The following TRMT9B variants were observed in gnomAD, a reference collection of about 807,000 sequenced individuals.
The protein encoded by TRMT9B is probable tRNA methyltransferase 9B.
A neutral mutation model predicts 11.5 loss-of-function variants in TRMT9B; 16 were observed. The ratio of observed to expected loss-of-function variants is 1.39; its 90% CI spans 0.94 to 2.11. The LOEUF (loss-of-function observed/expected upper bound fraction) is 2.11, where lower values mean the gene tolerates loss of function less well. TRMT9B is among the 30% of genes most tolerant of loss of function. The probability of loss-of-function intolerance (pLI) is 0.00; values close to 1 mark genes in which losing one functional copy is unlikely to be tolerated. For synonymous variants in TRMT9B, 274 were observed against 192.4 expected, an observed-to-expected ratio of 1.42 and a Z score of -3.51; for missense variants, 941 against 553.8, an observed-to-expected ratio of 1.70 and a Z score of -7.02.
intron 1 of TRMT9B, among the ~76,000 whole-genome samples, chr8:12,980,371 G>C (rs929509911): frequency 4.0e-5 from 6 of 151,642 alleles, no homozygotes; most frequent in African/African-American, 1.5e-4. Flanking sequence ...GGATGATCTC[G>C]CCTTGAAATC....
rs1187703179 is a variant in TRMT9B at position 13,023,454 on chromosome 8, G to A, written c.*1410G>A. On this transcript the variant is annotated 3_prime_UTR_variant, in exon 5 of 5. Transcript: ENST00000524591. Reference sequence around the variant, plus strand: ...AATCAACTTCTACTGATTACAGGTTGAATTTCTGTCACTTTGTAGAGAAAC... The same window carrying A: ...AATCAACTTCTACTGATTACAGGTTAAATTTCTGTCACTTTGTAGAGAAAC... 6.0e-6 allele frequency: 1 copy of A among 167,104 alleles called. No homozygotes were observed. The highest frequency in any genetic ancestry group is 2.4e-5 in the African/African-American group (1 of 41,456). 10.4% of individuals were successfully genotyped at this position (167,104 alleles called of 1,614,324 possible).
At position 13,021,891 on chromosome 8, in the gene TRMT9B, C is replaced by G; in HGVS notation, c.1212C>G (p.Asp404Glu). The G allele has an allele frequency of 6.2e-7, 1 of 1,613,808 alleles. No homozygotes were observed. The highest frequency in any genetic ancestry group is 2.2e-5 in the East Asian group (1 of 44,864). Residue 404 changes from aspartate (D) to glutamate (E), a missense_variant, in exon 5 of 5, where the codon GAC becomes GAG. Asp to Glu is a conservative substitution (Grantham distance 45). Transcript: ENST00000524591. Reference protein sequence around the residue: ...SVEDPQTDVLDSTAFMRYYHV... With the variant: ...SVEDPQTDVLESTAFMRYYHV... ...AAGATCCACAGACTGATGTTTTGGA[C>G]TCCACAGCCTTTATGCGCTACTACC...
At chr8:13,001,329 G>C (rs541672667) in intron 2 of TRMT9B, among the ~76,000 whole-genome samples, 3 of 152,282 alleles carry the variant, frequency 2.0e-5, no homozygotes, top group Non-Finnish European at 4.4e-5. Context: ...GTGAGGCGGG[G>C]ATCCCTGGAA....
intron 1 of TRMT9B, among the ~76,000 whole-genome samples, chr8:12,967,230 G>T (rs553235277): frequency 1.6e-4 from 25 of 152,328 alleles, no homozygotes; most frequent in African/African-American, 6.0e-4. Context: ...TCTTTGATCA[G>T]TTAAGTTAAA....
At chr8:13,012,997 C>T in intron 4 of TRMT9B, 140 bp downstream of exon 4, 1 of 1,111,296 alleles carries the variant, frequency 9.0e-7, no homozygotes, top group Non-Finnish European at 1.2e-6. Context: ...ATTGTTTCAA[C>T]TACTTGACTG....
Position 13,029,303 on chromosome 8 carries a change from G to A in TRMT9B, c.*7259G>A, listed in dbSNP as rs183441423. 1.2e-5 allele frequency: 2 copies of A among 166,962 alleles called. No homozygotes were observed. The highest frequency in any genetic ancestry group is 2.9e-5 in the Non-Finnish European group (2 of 68,080). 10.3% of individuals were successfully genotyped at this position (166,962 alleles called of 1,614,324 possible). On this transcript the variant is annotated 3_prime_UTR_variant, in exon 5 of 5. Transcript: ENST00000524591. ...AAGTGCAAAAACTTTTTTCTACAATGTACAGTTATTTTGACTTTTCCCAGG... is the reference window on the plus strand; with the variant it reads ...AAGTGCAAAAACTTTTTTCTACAATATACAGTTATTTTGACTTTTCCCAGG...
chr8:12,955,843 G>A (rs906235017), intron 1 of TRMT9B, among the ~76,000 whole-genome samples: 2 of 152,110 alleles, frequency 1.3e-5, no homozygotes, highest in Admixed American at 6.5e-5. Context: ...GTTGGCTCCC[G>A]GGCGGCAAGC....
chr8:12,999,048 C>T (rs556051348), intron 2 of TRMT9B, among the ~76,000 whole-genome samples: 1 of 151,940 alleles, frequency 6.6e-6, no homozygotes, highest in South Asian at 2.1e-4. Flanking sequence ...CGCCTGTAAT[C>T]CTAGCACTTT....
chr8:13,026,026 C>A lies in TRMT9B; in HGVS notation c.*3982C>A, dbSNP rs991212134. The stretch of plus-strand genomic sequence containing the variant: ...TTTAAATTAAATTAATACATATATA[C>A]GAGTTTGGAGGAGAACAGAAGTTCT... On this transcript the variant is annotated 3_prime_UTR_variant, in exon 5 of 5. Coordinates refer to ENST00000524591, the MANE Select transcript of TRMT9B (RefSeq NM_020844.3). The A allele has an allele frequency of 1.2e-5, 2 of 166,866 alleles. No individual in the cohort carries two copies. The highest frequency in any genetic ancestry group is 2.9e-5 in the Non-Finnish European group (2 of 68,078). The allele number at this position is 166,866 out of a possible 1,614,324, so 10.3% of individuals were successfully genotyped here.
chr8:12,962,579 C>T (rs1018168366), intron 1 of TRMT9B, among the ~76,000 whole-genome samples: 2 of 152,104 alleles, frequency 1.3e-5, no homozygotes. Flanking sequence ...CAACCTCTGC[C>T]TCCTGGGTTC....
At position 12,990,696 on chromosome 8, in the gene TRMT9B, T is replaced by A. The variant is rs142769011; in HGVS notation, c.-199-138T>A. Reference sequence around the variant, plus strand: ...AACTGCTCTTATAATTCTGGCACACTCCACATATTAACAATTCTTTCTAAT... The same window carrying A: ...AACTGCTCTTATAATTCTGGCACACACCACATATTAACAATTCTTTCTAAT... On this transcript the variant is annotated intron_variant, in intron 1 of 4. Transcript: ENST00000524591. 5.0e-5 allele frequency: 15 copies of A among 299,154 alleles called. No individual in the cohort carries two copies. The East Asian group carries it at 1.2e-3, about 24-fold the overall frequency. The allele number at this position is 299,154 out of a possible 1,614,324, so 18.5% of individuals were successfully genotyped here.
chr8:12,999,480 T>C (rs10112155), intron 2 of TRMT9B, among the ~76,000 whole-genome samples: 3,747 of 152,250 alleles, frequency 0.025, 159 homozygotes, highest in African/African-American at 0.086. Context: ...TTATATACTT[T>C]AAATATATGC....
intron 2 of TRMT9B, among the ~76,000 whole-genome samples, chr8:13,003,648 G>T (rs1406038746): frequency 2.6e-5 from 4 of 151,436 alleles, no homozygotes; most frequent in Non-Finnish European, 5.9e-5. Flanking sequence ...TTATGTGCCC[G>T]CCTAAGCCAG....
At chr8:12,979,130 C>T (rs776266862) in intron 1 of TRMT9B, among the ~76,000 whole-genome samples, 11 of 152,050 alleles carry the variant, frequency 7.2e-5, no homozygotes, top group Admixed American at 2.0e-4. Context: ...CTCCCTCTGG[C>T]GGGGGAATGG....
At chr8:13,011,496 G>C in intron 3 of TRMT9B, 1 of 973,228 alleles carries the variant, frequency 1.0e-6, no homozygotes, top group Non-Finnish European at 1.2e-6. Context: ...ATGCCAATAA[G>C]TACAAATATA....
At position 13,021,951 on chromosome 8, in the gene TRMT9B, C is replaced by A; in HGVS notation, c.1272C>A (p.Leu424=). Residue 424 remains leucine (L), a synonymous_variant, in exon 5 of 5, where the codon CTC becomes CTA. Transcript: ENST00000524591. ...VFREGELCSL[L]KENVSELRIL... is the part of the protein sequence containing the mutation. ...GAGAAGGGGAGCTCTGCAGTCTGCT[C>A]AAGGAGAATGTGTCAGAGCTCCGTA... The A allele has an allele frequency of 6.2e-7, 1 of 1,613,668 alleles. No homozygotes were observed. Among genetic ancestry groups the A allele is most frequent in the Non-Finnish European group, 8.5e-7 (1 of 1,179,840 alleles).
intron 4 of TRMT9B, among the ~76,000 whole-genome samples, chr8:13,019,494 A>G (rs909605465): frequency 6.6e-6 from 1 of 152,112 alleles, no homozygotes; most frequent in Admixed American, 6.5e-5. Flanking sequence ...GGGTTTTGCC[A>G]TGTTGCCCAG....
At chr8:12,962,682 G>T (rs563381863) in intron 1 of TRMT9B, among the ~76,000 whole-genome samples, 7 of 152,072 alleles carry the variant, frequency 4.6e-5, no homozygotes, top group African/African-American at 1.4e-4. Context: ...GTAGAGACGG[G>T]GTCTCGCTAT....
chr8:13,010,648 C>G (rs1811415795), intron 3 of TRMT9B: 6 of 984,718 alleles, frequency 6.1e-6, no homozygotes, highest in Non-Finnish European at 7.2e-6. Flanking sequence ...GCTCTCTGAA[C>G]AGGCCCTCCT....
Sources: allele counts gnomAD v4.1 joint callset (sites outside exome capture counted in the v4.1 genomes callset), GRCh38; gene constraint gnomAD v4.1.1; transcripts MANE v1.5; gene names NCBI Gene and HGNC (gene_info 2026-07-23, HGNC 2026-07-21).